Variants in LRRC7 observed in about 807,000 individuals in gnomAD.
LRRC7 encodes leucine-rich repeat-containing protein 7.
A neutral mutation model predicts 175.7 loss-of-function variants in LRRC7; 23 were observed. The ratio of observed to expected loss-of-function variants is 0.13; its 90% confidence interval spans 0.09 to 0.19. The LOEUF (loss-of-function observed/expected upper bound fraction) is 0.19. Ranked by LOEUF, LRRC7 falls within the 10% of genes least tolerant of loss-of-function variation. The pLI, the probability that LRRC7 is intolerant of heterozygous loss-of-function variation, is 1.00. For synonymous variants in LRRC7, 685 were observed against 680.9 expected, an observed-to-expected ratio of 1.01 and a Z score of -0.09; for missense variants, 1,354 against 1,904.7, an observed-to-expected ratio of 0.71 and a Z score of 5.38.
At chr1:69,916,100 T>C (rs191950632) in intron 7 of LRRC7, among the ~76,000 whole-genome samples, 1 of 7,442 alleles carries the variant, frequency 1.3e-4, no homozygotes, top group South Asian at 4.2e-3. Flanking sequence ...ATACATATTT[T>C]ATATATAATA....
intron 4 of LRRC7, among the ~76,000 whole-genome samples, chr1:69,795,734 T>C (rs1291952952): frequency 6.6e-6 from 1 of 152,156 alleles, no homozygotes; most frequent in Non-Finnish European, 1.5e-5. Context: ...CTGATCTTGA[T>C]TGTTGATGTG....
intron 18 of LRRC7, among the ~76,000 whole-genome samples, chr1:70,034,716 C>T (rs1659125958): frequency 1.3e-5 from 2 of 152,242 alleles, no homozygotes; most frequent in African/African-American, 4.8e-5. Context: ...TAACCTAGGC[C>T]TAAGCTGAGT....
intron 1 of LRRC7, among the ~76,000 whole-genome samples, chr1:69,597,932 T>G (rs752124243): frequency 8.6e-5 from 13 of 151,968 alleles, no homozygotes; most frequent in Non-Finnish European, 1.8e-4. Flanking sequence ...ATAGGGAGAG[T>G]GGAAACAAGA....
intron 2 of LRRC7, among the ~76,000 whole-genome samples, chr1:69,688,424 G>A (rs1200585604): frequency 1.3e-5 from 2 of 152,026 alleles, no homozygotes; most frequent in Admixed American, 1.3e-4. Context: ...AACATGGGGT[G>A]GGGGAAAATC....
intron 1 of LRRC7, among the ~76,000 whole-genome samples, chr1:69,650,130 G>GT (rs1655586098): frequency 6.6e-6 from 1 of 151,890 alleles, no homozygotes; most frequent in Non-Finnish European, 1.5e-5. Flanking sequence ...TAATTTTCTG[G>GT]TTTTTTCTTC....
rs1316452577 is a variant in LRRC7, at chr1:70,132,964, T to C, written c.*11077T>C. Among the ~76,000 whole-genome samples, 1 of 152,186 alleles carries C rather than the reference T, an allele frequency of 6.6e-6. No individual in the cohort carries two copies. The highest frequency in any genetic ancestry group is 2.4e-5 in the African/African-American group (1 of 41,448). On this transcript the variant is annotated 3_prime_UTR_variant, in exon 27 of 27. Coordinates refer to ENST00000651989, the MANE Select transcript of LRRC7 (RefSeq NM_001370785.2). ...GAGCGAAGGGGTGAACATTTCCCTC[T>C]GTAACCCACCCTTATAAAGCAACAA...
intron 4 of LRRC7, among the ~76,000 whole-genome samples, chr1:69,813,337 A>G (rs1678185092): frequency 6.6e-6 from 1 of 152,130 alleles, no homozygotes; most frequent in African/African-American, 2.4e-5. Flanking sequence ...AAAAGACTCA[A>G]CCATACCAAC....
chr1:69,686,718 A>T (rs1661195858), intron 2 of LRRC7, among the ~76,000 whole-genome samples: 1 of 152,172 alleles, frequency 6.6e-6, no homozygotes, highest in Non-Finnish European at 1.5e-5. Flanking sequence ...GAAAACAAAT[A>T]ATAAAATTAG....
rs540878123 is a variant in LRRC7, at chr1:69,957,991, A to G, written c.712-22388A>G. 2.0e-5 allele frequency among the ~76,000 whole-genome samples: 3 copies of G among 152,102 alleles called. No homozygotes were observed. In the East Asian group the frequency reaches 5.8e-4, roughly 29 times the overall value. On this transcript the variant is annotated intron_variant, in intron 8 of 26. Transcript: ENST00000651989. Reference sequence around the variant, plus strand: ...ATGCAAGTAAAAACATGTATTTTCAACATTTCAAATATTAATGAGAAAAAA... The same window carrying G: ...ATGCAAGTAAAAACATGTATTTTCAGCATTTCAAATATTAATGAGAAAAAA...
rs557947138 is a variant in LRRC7, at chr1:69,798,324, AT to A, written c.421+6170del. 1.7e-4 allele frequency among the ~76,000 whole-genome samples: 26 copies of A among 152,068 alleles called. No homozygotes were observed. The South Asian group carries it at 5.4e-3, about 32-fold the overall frequency. Reference sequence around the variant, plus strand: ...ATTTCCTCTTTCCTCTGACTAAATCATTTTTTACACCTCTTTTTACCTGGTT... The same window carrying A: ...ATTTCCTCTTTCCTCTGACTAAATCATTTTTACACCTCTTTTTACCTGGTT... On this transcript the variant is annotated intron_variant, in intron 4 of 26. Transcript: ENST00000651989.
chr1:70,028,085 A>G, intron 17 of LRRC7, 86 bp from the exon 18 acceptor site: 1 of 1,139,204 alleles, frequency 8.8e-7, no homozygotes, highest in South Asian at 1.4e-5. Context: ...GCATTTGATT[A>G]TACTACTGAA....
At chr1:70,111,749 C>T (rs1665542603) in intron 26 of LRRC7, among the ~76,000 whole-genome samples, 1 of 152,072 alleles carries the variant, frequency 6.6e-6, no homozygotes, top group African/African-American at 2.4e-5. Flanking sequence ...ACAGTTGTAA[C>T]CTAAAACTCA....
At chr1:70,036,041 G>A in intron 18 of LRRC7, 80 bp from the exon 19 acceptor site, 2 of 1,052,990 alleles carry the variant, frequency 1.9e-6, no homozygotes, top group South Asian at 3.4e-5. Flanking sequence ...TTTAATCTGA[G>A]CCAAATAAAG....
At chr1:69,966,795 G>C (rs1043247234) in intron 8 of LRRC7, among the ~76,000 whole-genome samples, 16 of 152,224 alleles carry the variant, frequency 1.1e-4, no homozygotes, top group African/African-American at 3.9e-4. Flanking sequence ...GCAAAATACA[G>C]GGGTAGAGGA....
Position 70,038,612 on chromosome 1 carries a change from G to A in LRRC7, c.2788G>A (p.Val930Ile), listed in dbSNP as rs758138383. 27 of 1,614,028 alleles carry A rather than the reference G, an allele frequency of 1.7e-5. No individual in the cohort carries two copies. Among genetic ancestry groups the A allele is most frequent in the South Asian group, 1.1e-4 (10 of 91,076 alleles). ...TEIPSPFSPG[V>I]PWEYHDSNPN... is the part of the protein sequence containing the mutation. ...AATACCTAGTCCTTTTTCTCCAGGC[G>A]TACCATGGGAGTATCATGATTCCAA... Residue 930 changes from valine (V) to isoleucine (I), a missense_variant, in exon 21 of 27, where the codon GTA becomes ATA. Physicochemically the swap from Val to Ile is conservative, Grantham distance 29. Transcript: ENST00000651989.
intron 2 of LRRC7, among the ~76,000 whole-genome samples, chr1:69,719,314 A>AAATG (rs938796260): frequency 4.0e-5 from 6 of 151,752 alleles, no homozygotes; most frequent in Non-Finnish European, 7.4e-5. Context: ...TTCAATGAAT[A>AAATG]AATGAATGAA....
intron 9 of LRRC7, among the ~76,000 whole-genome samples, chr1:69,983,171 A>T (rs1653606202): frequency 6.6e-6 from 1 of 152,190 alleles, no homozygotes; most frequent in East Asian, 1.9e-4. Flanking sequence ...TATTTTTCCA[A>T]GTGACACATT....
At chr1:69,896,264 T>C (rs1645977041) in intron 7 of LRRC7, among the ~76,000 whole-genome samples, 1 of 152,128 alleles carries the variant, frequency 6.6e-6, no homozygotes, top group South Asian at 2.1e-4. Context: ...ATTGAGATAT[T>C]TATAACCTTA....
At chr1:70,093,835 C>T (rs909966051) in intron 25 of LRRC7, among the ~76,000 whole-genome samples, 1 of 152,042 alleles carries the variant, frequency 6.6e-6, no homozygotes, top group Non-Finnish European at 1.5e-5. Flanking sequence ...TAATAATTTC[C>T]AATTGCAAAA....
Sources: allele counts gnomAD v4.1 joint callset (sites outside exome capture counted in the v4.1 genomes callset), GRCh38; gene constraint gnomAD v4.1.1; transcripts MANE v1.5; gene names NCBI Gene and HGNC (gene_info 2026-07-23, HGNC 2026-07-21).